The following MYO1E variants were observed in gnomAD, a reference collection of about 807,000 sequenced individuals.
MYO1E encodes the protein unconventional myosin-Ie.
In MYO1E, 68 loss-of-function variants were observed where a neutral mutation model predicts 151.1. The ratio of observed to expected loss-of-function variants is 0.45; its 90% CI spans 0.37 to 0.55. The LOEUF is 0.55. Among genes scored for constraint, MYO1E ranks in the 20% least tolerant of loss-of-function variants. The pLI is 0.00. For synonymous variants in MYO1E, 601 were observed against 501.7 expected (o/e 1.20, Z -2.64); for missense variants, 1,363 against 1,389.3 (o/e 0.98, Z 0.30).
At chr15:59,230,515 G>GA (rs1269786087) in intron 6 of MYO1E, among the ~76,000 whole-genome samples, 1 of 151,844 alleles carries the variant, frequency 6.6e-6, no homozygotes, top group Non-Finnish European at 1.5e-5. Context: ...ATTTTTATAA[G>GA]ATTTAGATTG....
Position 59,217,947 on chromosome 15 carries a change from T to A in MYO1E, c.1051A>T (p.Thr351Ser). The change falls in exon 10 of 28, where the codon ACC becomes TCC. Residue 351 changes from threonine to serine, a missense_variant. Transcript: ENST00000288235. Reference protein sequence around the residue: ...VTLNVEQACYTRDALAKALHA... With the variant: ...VTLNVEQACYSRDALAKALHA... ...AGGGCCTTGGCGAGCGCATCCCGGG[T>A]GTAACAGGCCTGCTCTACGTTGAGG... The A allele has an allele frequency of 6.2e-7, 1 of 1,614,166 alleles. No homozygotes were observed. Among genetic ancestry groups the A allele is most frequent in the South Asian group, 1.1e-5 (1 of 91,084 alleles).
At chr15:59,358,425 G>C (rs1214324921) in intron 1 of MYO1E, among the ~76,000 whole-genome samples, 1 of 152,124 alleles carries the variant, frequency 6.6e-6, no homozygotes, top group African/African-American at 2.4e-5. Context: ...GGATGGACAA[G>C]AGGCCTTGTG....
intron 2 of MYO1E, among the ~76,000 whole-genome samples, chr15:59,268,067 A>T (rs1160375640): frequency 1.3e-5 from 2 of 152,336 alleles, no homozygotes. Flanking sequence ...TTATAACTCA[A>T]TGTGAAATCA....
chr15:59,164,188 G>T (rs1046697982), intron 22 of MYO1E, among the ~76,000 whole-genome samples: 2 of 152,188 alleles, frequency 1.3e-5, no homozygotes, highest in Non-Finnish European at 2.9e-5. Context: ...CAACATGTAT[G>T]TAATTGAGAA....
intron 19 of MYO1E, among the ~76,000 whole-genome samples, chr15:59,177,448 T>G (rs1265903705): frequency 1.3e-5 from 2 of 152,172 alleles, no homozygotes; most frequent in Non-Finnish European, 2.9e-5. Context: ...GTCAAATGCT[T>G]CCCTTTTTAC....
chr15:59,322,379 G>C (rs1287290106), intron 1 of MYO1E, among the ~76,000 whole-genome samples: 1 of 152,038 alleles, frequency 6.6e-6, no homozygotes, highest in Non-Finnish European at 1.5e-5. Flanking sequence ...CCATGAAACT[G>C]TATCTATACT....
At chr15:59,208,297 C>A in intron 14 of MYO1E, 1 of 578,024 alleles carries the variant, frequency 1.7e-6, no homozygotes, top group Non-Finnish European at 3.0e-6. Flanking sequence ...TTTGGTACCT[C>A]TGATGTAGCA....
At chr15:59,209,815 C>CTTTTTTTTTTT (rs71119441) in intron 13 of MYO1E, among the ~76,000 whole-genome samples, 540 of 49,902 alleles carry the variant, frequency 0.011, 52 homozygotes, top group Middle Eastern at 0.029. Flanking sequence ...TTTGAATCAC[C>CTTTTTTTTTTT]TTTTTTTTTT....
intron 4 of MYO1E, among the ~76,000 whole-genome samples, chr15:59,244,935 C>G (rs1301488528): frequency 6.6e-6 from 1 of 152,142 alleles, no homozygotes; most frequent in East Asian, 1.9e-4. Context: ...TTTTAGCAAC[C>G]AGACTAGAAT....
intron 1 of MYO1E, among the ~76,000 whole-genome samples, chr15:59,320,514 A>G (rs760699679): frequency 2.6e-5 from 4 of 152,182 alleles, no homozygotes; most frequent in Admixed American, 6.5e-5. Flanking sequence ...TTCAACAGAG[A>G]ACCCAGAAAT....
rs563053189 is a variant in MYO1E, at chr15:59,372,820, C to T, written c.-320G>A. ...TCGGAGCGTCCGCCTCGCTCCCCTG[C>T]CTCACTCCTCTTTCTTCGGCCACTT... On this transcript the variant is annotated 5_prime_UTR_variant, in exon 1 of 28. Coordinates refer to ENST00000288235, the MANE Select transcript of MYO1E (RefSeq NM_004998.4). 67 of 476,788 alleles carry T rather than the reference C, an allele frequency of 1.4e-4. 1 individual carries two copies. The South Asian group carries it at 2.0e-3, about 14-fold the overall frequency. 29.5% of individuals were successfully genotyped at this position (476,788 alleles called of 1,614,324 possible).
chr15:59,327,665 T>C (rs537550251), intron 1 of MYO1E, among the ~76,000 whole-genome samples: 2 of 152,206 alleles, frequency 1.3e-5, no homozygotes, highest in South Asian at 2.1e-4. Context: ...CAGGAGGGTA[T>C]AGTGGGATGG....
chr15:59,174,547 T>C (rs2079613394), intron 19 of MYO1E, among the ~76,000 whole-genome samples: 2 of 152,168 alleles, frequency 1.3e-5, no homozygotes, highest in African/African-American at 4.8e-5. Flanking sequence ...ATTCAATGCT[T>C]CTCCACTTAT....
intron 16 of MYO1E, among the ~76,000 whole-genome samples, chr15:59,197,999 C>T (rs1014109103): frequency 6.6e-6 from 1 of 152,108 alleles, no homozygotes; most frequent in Non-Finnish European, 1.5e-5. Flanking sequence ...GTAGCTGGGA[C>T]TGGAAGCACA....
intron 25 of MYO1E, among the ~76,000 whole-genome samples, chr15:59,154,110 C>A (rs1282438968): frequency 1.3e-5 from 2 of 152,204 alleles, no homozygotes; most frequent in African/African-American, 4.8e-5. Flanking sequence ...TGCTTGGTGG[C>A]AATAGAATCC....
At chr15:59,142,686 C>G (rs1258388500) in intron 26 of MYO1E, among the ~76,000 whole-genome samples, 1 of 152,084 alleles carries the variant, frequency 6.6e-6, no homozygotes, top group African/African-American at 2.4e-5. Flanking sequence ...AGGGGCGGCC[C>G]CTGCTCACAC....
intron 1 of MYO1E, among the ~76,000 whole-genome samples, chr15:59,319,948 C>T (rs1195024787): frequency 6.6e-6 from 1 of 152,070 alleles, no homozygotes; most frequent in African/African-American, 2.4e-5. Context: ...GAGACTCCTC[C>T]ACCTCGAACT....
intron 1 of MYO1E, among the ~76,000 whole-genome samples, chr15:59,357,810 G>A (rs2140438918): frequency 6.6e-6 from 1 of 152,146 alleles, no homozygotes; most frequent in East Asian, 1.9e-4. Context: ...TTTAAAAGAA[G>A]AATTAGACTG....
At chr15:59,152,827 C>A (rs990959603) in intron 26 of MYO1E, among the ~76,000 whole-genome samples, 1 of 152,150 alleles carries the variant, frequency 6.6e-6, no homozygotes, top group Non-Finnish European at 1.5e-5. Context: ...TGATCCCCAT[C>A]CACCTGGTGC....
Sources: allele counts gnomAD v4.1 joint callset (sites outside exome capture counted in the v4.1 genomes callset), GRCh38; gene constraint gnomAD v4.1.1; transcripts MANE v1.5; gene names NCBI Gene and HGNC (gene_info 2026-07-23, HGNC 2026-07-21).